The following PDE1A variants were observed in gnomAD, a reference collection of about 807,000 sequenced individuals.
The protein encoded by PDE1A is phosphodiesterase 1A.
A neutral mutation model predicts 61.7 loss-of-function variants in PDE1A; 35 were observed. The observed-to-expected ratio is 0.57, with a 90% CI of 0.43 to 0.75. The LOEUF (loss-of-function observed/expected upper bound fraction) is 0.75. Ranked by LOEUF, PDE1A falls within the 30% of genes least tolerant of loss-of-function variation. PDE1A has a pLI of 0.00. For missense variants in PDE1A, 597 were observed against 630.6 expected, an observed-to-expected ratio of 0.95 and a Z score of 0.57; for synonymous variants, 232 against 213.2, an observed-to-expected ratio of 1.09 and a Z score of -0.77.
chr2:182,666,985 G>A, the PDE1A span, among the ~76,000 whole-genome samples: 1 of 152,118 alleles, frequency 6.6e-6, no homozygotes, highest in Non-Finnish European at 1.5e-5. Flanking sequence ...AAAGAATCAG[G>A]GGAAATTTTA....
At chr2:182,164,000 C>T (rs569664585), downstream of PDE1A, among the ~76,000 whole-genome samples, 24 of 152,294 alleles carry the variant, frequency 1.6e-4, no homozygotes, top group South Asian at 4.1e-4. Context: ...TCTCCTTTTG[C>T]GAGGTAGCTC....
the PDE1A span, among the ~76,000 whole-genome samples, chr2:182,532,119 A>T: frequency 6.6e-6 from 1 of 151,550 alleles, no homozygotes; most frequent in African/African-American, 2.4e-5. Flanking sequence ...GGTAAAAAAA[A>T]TTTTTTTAAA....
the PDE1A span, among the ~76,000 whole-genome samples, chr2:182,566,282 A>G: frequency 1.3e-5 from 2 of 152,066 alleles, no homozygotes; most frequent in African/African-American, 2.4e-5. Flanking sequence ...TCCCATATCT[A>G]TCTACCTGCC....
intron 1 of PDE1A, among the ~76,000 whole-genome samples, chr2:182,413,056 G>C (rs1702710976): frequency 6.6e-6 from 1 of 152,158 alleles, no homozygotes; most frequent in Admixed American, 6.6e-5. Flanking sequence ...AGACAAAGCA[G>C]AGTAGACAAA....
At chr2:182,714,632 T>C in the PDE1A span, among the ~76,000 whole-genome samples, 4 of 152,118 alleles carry the variant, frequency 2.6e-5, no homozygotes, top group Admixed American at 6.5e-5. Flanking sequence ...TGGTGTGATC[T>C]TGGCTCACTG....
intron 1 of PDE1A, among the ~76,000 whole-genome samples, chr2:182,349,668 G>A (rs913105454): frequency 1.3e-5 from 2 of 152,148 alleles, no homozygotes; most frequent in Non-Finnish European, 2.9e-5. Flanking sequence ...GCTGAGGCAG[G>A]AGAATCGCTT....
the PDE1A span, among the ~76,000 whole-genome samples, chr2:182,636,613 A>G: frequency 0.014 from 2,136 of 152,340 alleles, 30 homozygotes; most frequent in Middle Eastern, 0.027. Context: ...TGTATTCCCT[A>G]ATCAGCAAAG....
intron 4 of PDE1A, among the ~76,000 whole-genome samples, chr2:182,233,464 G>A (rs1689746731): frequency 6.6e-6 from 1 of 152,054 alleles, no homozygotes; most frequent in African/African-American, 2.4e-5. Flanking sequence ...AAAGAAAAAT[G>A]AGCTATCTTT....
At chr2:182,263,562 C>A (rs1692384599) in intron 2 of PDE1A, among the ~76,000 whole-genome samples, 1 of 152,266 alleles carries the variant, frequency 6.6e-6, no homozygotes, top group East Asian at 1.9e-4. Context: ...CCTCTCTCCC[C>A]ACAGGTTCCC....
At chr2:182,480,196 T>C (rs1394023453) in intron 2 of PDE1A, among the ~76,000 whole-genome samples, 1 of 151,900 alleles carries the variant, frequency 6.6e-6, no homozygotes, top group African/African-American at 2.4e-5. Flanking sequence ...GAGAATCCAA[T>C]ATCATATTCT....
chr2:182,502,085 G>A (rs1181510046), intron 2 of PDE1A, among the ~76,000 whole-genome samples: 1 of 152,038 alleles, frequency 6.6e-6, no homozygotes, highest in Admixed American at 6.5e-5. Flanking sequence ...ACTCCTCTCA[G>A]GTGACTCCAT....
chr2:182,175,485 T>C (rs1372905971), intron 13 of PDE1A, among the ~76,000 whole-genome samples: 2 of 145,146 alleles, frequency 1.4e-5, no homozygotes, highest in African/African-American at 2.6e-5. Context: ...ATGTCTTCTT[T>C]TGAGAAGTGT....
chr2:182,443,495 G>T lies in PDE1A; in HGVS notation c.101+78781C>A, dbSNP rs187713257. 5.8e-3 allele frequency among the ~76,000 whole-genome samples: 879 copies of T among 151,902 alleles called. 16 individuals are homozygous for T. The highest frequency in any genetic ancestry group is 0.039 in the Admixed American group (592 of 15,240). On this transcript the variant is annotated intron_variant, in intron 2 of 14. Transcript: ENST00000410103. ...TCTCCCCCTTGCTGGTCTCGAGATA[G>T]TGAGTGTGTTCTCATATATGATGGT...
chr2:182,670,949 C>G, the PDE1A span, among the ~76,000 whole-genome samples: 1 of 151,582 alleles, frequency 6.6e-6, no homozygotes, highest in Non-Finnish European at 1.5e-5. Flanking sequence ...TCCCGAGTAA[C>G]TGGTTTTACA....
intron 2 of PDE1A, among the ~76,000 whole-genome samples, chr2:182,451,377 T>A (rs1349323050): frequency 2.4e-4 from 2 of 8,212 alleles, no homozygotes; most frequent in Non-Finnish European, 1.8e-4. Flanking sequence ...AGACTCCGTC[T>A]CAAAAAAAAA....
At chr2:182,626,784 TATATATAC>T in the PDE1A span, among the ~76,000 whole-genome samples, 176 of 5,276 alleles carry the variant, frequency 0.033, 5 homozygotes, top group South Asian at 0.06. Flanking sequence ...TATATATACA[TATATATAC>T]ATATATATAC....
chr2:182,316,464 G>A (rs1696347625), intron 1 of PDE1A, among the ~76,000 whole-genome samples: 1 of 152,116 alleles, frequency 6.6e-6, no homozygotes, highest in African/African-American at 2.4e-5. Context: ...TTGGTAAATG[G>A]CCCAGATAAG....
At chr2:182,522,381 A>G (rs1690623846) in exon 2 of PDE1A, 10 of 1,613,164 alleles carry the variant, frequency 6.2e-6, no homozygotes, top group Non-Finnish European at 6.8e-6. Context: ...CCCCATGATG[A>G]TGCTCCTAAG....
At chr2:182,582,371 T>C in the PDE1A span, among the ~76,000 whole-genome samples, 1 of 152,224 alleles carries the variant, frequency 6.6e-6, no homozygotes, top group East Asian at 1.9e-4. Flanking sequence ...TACACGCAGA[T>C]GGTCATTAAG....
Sources: gnomAD v4.1 joint callset for allele counts (sites outside exome capture counted in the v4.1 genomes callset) on GRCh38, gnomAD v4.1.1 for gene constraint, MANE v1.5 for transcripts, NCBI Gene and HGNC (gene_info 2026-07-23, HGNC 2026-07-21) for gene names.